The following HYOU1 variants were observed in gnomAD, a reference collection of about 807,000 sequenced individuals.
The protein encoded by HYOU1 is hypoxia up-regulated protein 1.
Under a neutral mutation model 120.5 loss-of-function variants are expected in HYOU1, and 40 were observed. The ratio of observed to expected loss-of-function variants is 0.33; its 90% CI spans 0.26 to 0.43. The LOEUF (loss-of-function observed/expected upper bound fraction) is 0.43, where lower values mean the gene tolerates loss of function less well. Ranked by LOEUF, HYOU1 falls within the 20% of genes least tolerant of loss-of-function variation. HYOU1 has a pLI of 1.00. For synonymous variants in HYOU1, 501 were observed against 479.4 expected, an observed-to-expected ratio of 1.05 and a Z score of -0.59; for missense variants, 1,085 against 1,278.3, an observed-to-expected ratio of 0.85 and a Z score of 2.31.
chr11:119,054,569 C>T lies in HYOU1; in HGVS notation c.603G>A (p.Gln201=). Residue 201 remains glutamine, a synonymous_variant, in exon 7 of 26, where the codon CAG becomes CAA. Coordinates refer to ENST00000617285, the MANE Select transcript of HYOU1 (RefSeq NM_006389.5). The stretch of plus-strand genomic sequence containing the variant: ...CAGTGGCGGTGTTGTCATTGATGAG[C>T]TGCAGCACTTTGAGGCCAGCCATAC... ...AARMAGLKVL[Q]LINDNTATAL... is the part of the protein sequence containing the mutation. 2 of 1,614,178 alleles carry T rather than the reference C, an allele frequency of 1.2e-6. No individual in the cohort carries two copies. Among genetic ancestry groups the T allele is most frequent in the South Asian group, 1.1e-5 (1 of 91,090 alleles).
rs1331479460 is a variant in HYOU1 at position 119,044,748 on chromosome 11, A to G, written c.*845T>C. On this transcript the variant is annotated 3_prime_UTR_variant, in exon 26 of 26. Coordinates refer to ENST00000617285, the MANE Select transcript of HYOU1 (RefSeq NM_006389.5). The stretch of plus-strand genomic sequence containing the variant: ...AGAACAGCAGAAGAGAGGAGGAGGC[A>G]GGGAGTTACAGGAACCTGGGGTACC... 3 of 200,230 alleles carry G rather than the reference A, an allele frequency of 1.5e-5. No individual in the cohort carries two copies. Among genetic ancestry groups the G allele is most frequent in the Non-Finnish European group, 3.2e-5 (3 of 93,756 alleles). 12.4% of individuals were successfully genotyped at this position (200,230 alleles called of 1,614,324 possible). A position where few individuals can be genotyped will look rare whatever the true frequency, so the allele number is the denominator to read the frequency against.
chr11:119,045,185 AGGAAGGGAG>A lies in HYOU1; in HGVS notation c.*399_*407del, dbSNP rs1466247973. 1 of 459,596 alleles carries A rather than the reference AGGAAGGGAG, an allele frequency of 2.2e-6. No individual in the cohort carries two copies. The highest frequency in any genetic ancestry group is 2.0e-5 in the African/African-American group (1 of 50,376). The allele number at this position is 459,596 out of a possible 1,614,324, so 28.5% of individuals were successfully genotyped here. A position where few individuals can be genotyped will look rare whatever the true frequency, so the allele number is the denominator to read the frequency against. ...AAGGATGCTCATCGCATGGTGGGAGAGGAAGGGAGGGAAGGAACAATCACCAGAGAAGAG... is the reference window on the plus strand; with the variant it reads ...AAGGATGCTCATCGCATGGTGGGAGAGGAAGGAACAATCACCAGAGAAGAG... On this transcript the variant is annotated 3_prime_UTR_variant, in exon 26 of 26. Transcript: ENST00000617285.
chr11:119,055,356 G>A lies in HYOU1; in HGVS notation c.265-17C>T, dbSNP rs2133612859. ...CTTAATCGCCTGAGGGGTGAAGAAG[G>A]AGCAGACTAGTATTAGGCTCCCAAG... On this transcript the variant is annotated splice_polypyrimidine_tract_variant and intron_variant, in intron 4 of 25. Coordinates refer to ENST00000617285, the MANE Select transcript of HYOU1 (RefSeq NM_006389.5). The surrounding 1 kb of genome is among the most constrained non-coding windows in gnomAD (Gnocchi z 4.0). 1.9e-6 allele frequency: 3 copies of A among 1,611,500 alleles called. No homozygotes were observed. Among genetic ancestry groups the A allele is most frequent in the South Asian group, 1.1e-5 (1 of 90,956 alleles).
intron 14 of HYOU1, among the ~76,000 whole-genome samples, 193 bp downstream of exon 14, chr11:119,050,842 A>G (rs1944399012): frequency 6.6e-6 from 1 of 152,060 alleles, no homozygotes. Context: ...GAAATTTACA[A>G]TGCCTATAAG....
At chr11:119,049,742 A>C in intron 15 of HYOU1, 35 bp downstream of exon 15, 1 of 1,610,810 alleles carries the variant, frequency 6.2e-7, no homozygotes, top group Non-Finnish European at 8.5e-7. Context: ...ACACAAGTAT[A>C]TTCTCTCCCA....
intron 24 of HYOU1, 143 bp downstream of exon 24, chr11:119,046,265 CTTTTTTTTT>C (rs11349624): frequency 8.1e-6 from 4 of 494,782 alleles, no homozygotes; most frequent in Non-Finnish European, 1.0e-5. Context: ...CGTGCCTGGC[CTTTTTTTTT>C]TTTTTTTTTT....
intron 14 of HYOU1, 59 bp from the exon 15 acceptor site, chr11:119,049,896 A>C: frequency 6.7e-7 from 1 of 1,496,294 alleles, no homozygotes; most frequent in Non-Finnish European, 9.3e-7. Context: ...CTCCACAAAC[A>C]TCTGCCAAAG....
In HYOU1 at chr11:119,052,822, G is replaced by T. The variant is rs2133596028; in HGVS notation, c.802C>A (p.Arg268Ser). Residue 268 changes from arginine (R) to serine (S), a missense_variant, in exon 9 of 26, where the codon CGT becomes AGT. By Grantham distance (110) the Arg-to-Ser change is moderately radical (BLOSUM62 -1). Around this residue, in one of 4 missense-constraint regions of HYOU1, gnomAD observed 515 missense variants for 677.8 expected, o/e 0.76. Coordinates refer to ENST00000617285, the MANE Select transcript of HYOU1 (RefSeq NM_006389.5). This position sits in a 1 kb window ranked among gnomAD's most constrained non-coding sequence, Gnocchi z 5.0. ...TCCATCTCCAGGCCCCCCAGGGTAC[G>T]GTCAAATCTGTTGAGAAAAGGGAGC... ...QLQIRGVGFD[R>S]TLGGLEMELR... The T allele has an allele frequency of 1.9e-6, 3 of 1,612,196 alleles. No individual in the cohort carries two copies. The highest frequency in any genetic ancestry group is 2.2e-5 in the East Asian group (1 of 44,894).
In HYOU1 at chr11:119,052,750, T is replaced by C. The variant is rs1160205564; in HGVS notation, c.874A>G (p.Lys292Glu). 4 of 1,614,122 alleles carry C rather than the reference T, an allele frequency of 2.5e-6. No individual in the cohort carries two copies. The highest frequency in any genetic ancestry group is 3.4e-6 in the Non-Finnish European group (4 of 1,180,054). Residue 292 changes from lysine (K) to glutamate (E), a missense_variant, in exon 9 of 26, where the codon AAG becomes GAG. Around this residue, in one of 4 missense-constraint regions of HYOU1, gnomAD observed 515 missense variants for 677.8 expected, o/e 0.76. Transcript: ENST00000617285. The surrounding 1 kb of genome is among the most constrained non-coding windows in gnomAD (Gnocchi z 5.0). Reference protein sequence around the residue: ...RLAGLFNEQRKGQRAKDVREN... With the variant: ...RLAGLFNEQREGQRAKDVREN... ...CGCACATCCTTTGCTCTCTGACCCT[T>C]GCGCTGCTCATTGAAAAGCCCAGCC... is the stretch of plus-strand genomic sequence containing the variant.
Position 119,049,142 on chromosome 11 carries a change from T to C in HYOU1, c.1868A>G (p.Lys623Arg). Residue 623 changes from lysine (K) to arginine (R), a missense_variant, in exon 17 of 26, where the codon AAG becomes AGG. Lys to Arg is a conservative substitution (Grantham distance 26, BLOSUM62 2). Coordinates refer to ENST00000617285, the MANE Select transcript of HYOU1 (RefSeq NM_006389.5). ...KDEPGEQVEL[K>R]EEAEAPVEDG... Reference sequence around the variant, plus strand: ...CTCCACTGGGGCCTCAGCTTCCTCCTTGAGCTCCACCTGCTCCCCAGGCTC... The same window carrying C: ...CTCCACTGGGGCCTCAGCTTCCTCCCTGAGCTCCACCTGCTCCCCAGGCTC... 1 of 1,613,496 alleles carries C rather than the reference T, an allele frequency of 6.2e-7. No individual in the cohort carries two copies. Among genetic ancestry groups the C allele is most frequent in the Non-Finnish European group, 8.5e-7 (1 of 1,179,694 alleles).
Position 119,052,516 on chromosome 11 carries a change from T to C in HYOU1, c.988-87A>G. The C allele has an allele frequency of 6.3e-7, 1 of 1,595,234 alleles. No individual in the cohort carries two copies. The highest frequency in any genetic ancestry group is 8.6e-7 in the Non-Finnish European group (1 of 1,168,490). On this transcript the variant is annotated intron_variant, in intron 9 of 25. Coordinates refer to ENST00000617285, the MANE Select transcript of HYOU1 (RefSeq NM_006389.5). This position sits in a 1 kb window ranked among gnomAD's most constrained non-coding sequence, Gnocchi z 5.0. The stretch of plus-strand genomic sequence containing the variant: ...GACAGAAACAAAAAGAATAGGTCTT[T>C]GGGAGGATGGTAGCGGGAGGAGCAT...
rs2133583346 is a variant in HYOU1, at chr11:119,051,198, C to T, written c.1527-25G>A. 3.7e-6 allele frequency: 6 copies of T among 1,613,832 alleles called. No individual in the cohort carries two copies. The highest frequency in any genetic ancestry group is 5.1e-6 in the Non-Finnish European group (6 of 1,179,806). On this transcript the variant is annotated intron_variant, in intron 13 of 25. Coordinates refer to ENST00000617285, the MANE Select transcript of HYOU1 (RefSeq NM_006389.5). The surrounding 1 kb of genome is among the most constrained non-coding windows in gnomAD (Gnocchi z 4.2). ...CCTGGTTGGGAAGGAAAGAGGAGTT[C>T]AGGGGGACCCACCCCAGCCCATCTC...
Position 119,052,939 on chromosome 11 carries a change from T to C in HYOU1, c.795-110A>G. On this transcript the variant is annotated intron_variant, in intron 8 of 25. Transcript: ENST00000617285. The surrounding 1 kb of genome is among the most constrained non-coding windows in gnomAD (Gnocchi z 5.0). ...ACCTTTCCTTCATCTCAGGGGACCT[T>C]GTTCATCTCCAGTGCCCCATGTGTG... 9.8e-7 allele frequency: 1 copy of C among 1,021,688 alleles called. No individual in the cohort carries two copies. Among genetic ancestry groups the C allele is most frequent in the Non-Finnish European group, 1.4e-6 (1 of 710,798 alleles). The allele number at this position is 1,021,688 out of a possible 1,614,324, so 63.3% of individuals were successfully genotyped here.
chr11:119,054,351 T>G, intron 7 of HYOU1, 115 bp from the exon 8 acceptor site: 1 of 1,188,772 alleles, frequency 8.4e-7, no homozygotes, highest in Admixed American at 1.9e-5. Flanking sequence ...ACTAAACAGC[T>G]CCAACAGGGG....
In HYOU1 at chr11:119,054,200, C is replaced by T. The variant is rs146042132; in HGVS notation, c.715G>A (p.Val239Ile). The T allele has an allele frequency of 4.1e-4, 656 of 1,613,784 alleles. No homozygotes were observed. The highest frequency in any genetic ancestry group is 5.0e-4 in the Non-Finnish European group (585 of 1,179,766). ...MFYDMGSGST[V>I]CTIVTYQMVK... The stretch of plus-strand genomic sequence containing the variant: ...ATCTGGTAGGTCACAATGGTGCATA[C>T]GGTGCTGCCTGAGCCCATGTCATAG... Residue 239 changes from valine (V) to isoleucine (I), a missense_variant, in exon 8 of 26, where the codon GTA becomes ATA. By Grantham distance (29) the Val-to-Ile change is conservative (BLOSUM62 3). This residue lies in a region of HYOU1 where 515 missense variants were observed against 677.8 expected (regional missense o/e 0.76). Coordinates refer to ENST00000617285, the MANE Select transcript of HYOU1 (RefSeq NM_006389.5).
chr11:119,052,027 C>T lies in HYOU1; in HGVS notation c.1205+63G>A. The T allele has an allele frequency of 3.1e-6, 5 of 1,613,548 alleles. No homozygotes were observed. The highest frequency in any genetic ancestry group is 4.2e-6 in the Non-Finnish European group (5 of 1,179,546). On this transcript the variant is annotated intron_variant, in intron 11 of 25. Transcript: ENST00000617285. This position sits in a 1 kb window ranked among gnomAD's most constrained non-coding sequence, Gnocchi z 5.0. ...GACTTCCCTCCCCTCAGCCCTCCAG[C>T]TGCTCAGCCCAAAGCCCTGCCCCAG...
rs1592158099 is a variant in HYOU1 at position 119,055,665 on chromosome 11, C to T, written c.185+85G>A. 9.4e-6 allele frequency: 14 copies of T among 1,495,658 alleles called. No homozygotes were observed. The highest frequency in any genetic ancestry group is 1.3e-5 in the Non-Finnish European group (14 of 1,072,176). 92.6% of individuals were successfully genotyped at this position (1,495,658 alleles called of 1,614,324 possible). A position where few individuals can be genotyped will look rare whatever the true frequency, so the allele number is the denominator to read the frequency against. On this transcript the variant is annotated intron_variant, in intron 3 of 25. Transcript: ENST00000617285. The surrounding 1 kb of genome is among the most constrained non-coding windows in gnomAD (Gnocchi z 4.0). ...CATTTAACCACTCAGATGCCGAAGT[C>T]TGCTGTGGGCACTATGACTAACACA...
intron 8 of HYOU1, 94 bp downstream of exon 8, chr11:119,054,027 C>T (rs1944608537): frequency 1.4e-6 from 1 of 735,912 alleles, no homozygotes; most frequent in East Asian, 2.6e-5. Flanking sequence ...ATTCCTGCAG[C>T]ATGCAGGAAA....
In HYOU1 at chr11:119,044,929, G is replaced by A. The variant is rs867069914; in HGVS notation, c.*664C>T. On this transcript the variant is annotated 3_prime_UTR_variant, in exon 26 of 26. Coordinates refer to ENST00000617285, the MANE Select transcript of HYOU1 (RefSeq NM_006389.5). ...GCCACTAGGGGTGGGAAATACGAGT[G>A]AGAATCCTTCCAGATTTACTTCCGC... 16 of 332,420 alleles carry A rather than the reference G, an allele frequency of 4.8e-5. No individual in the cohort carries two copies. The highest frequency in any genetic ancestry group is 1.1e-3 in the Middle Eastern group (1 of 906). The allele number at this position is 332,420 out of a possible 1,614,324, so 20.6% of individuals were successfully genotyped here. A position where few individuals can be genotyped will look rare whatever the true frequency, so the allele number is the denominator to read the frequency against.
Sources: allele counts gnomAD v4.1 joint callset (sites outside exome capture counted in the v4.1 genomes callset), GRCh38; gene constraint gnomAD v4.1.1; regional missense constraint gnomAD v4.1.1; non-coding constraint Gnocchi (gnomAD v3.1); transcripts MANE v1.5; gene names NCBI Gene and HGNC (gene_info 2026-07-23, HGNC 2026-07-21).